Variants in PHKB observed in about 807,000 individuals in gnomAD.
PHKB encodes phosphorylase kinase regulatory subunit beta.
PHKB carries 122 observed loss-of-function variants against 152.1 expected under a neutral mutation model. That is an observed-to-expected ratio of 0.80 (90% CI 0.69 to 0.93). The LOEUF is 0.93. Among genes scored for constraint, PHKB ranks in the 40% least tolerant of loss-of-function variants. The pLI, the probability that PHKB is intolerant of heterozygous loss-of-function variation, is 0.00. For synonymous variants in PHKB, 436 were observed against 464.9 expected (o/e 0.94, Z 0.80); for missense variants, 1,304 against 1,328.4 (o/e 0.98, Z 0.29).
At chr16:47,571,698 G>A (rs903904555) in intron 7 of PHKB, among the ~76,000 whole-genome samples, 32 of 152,184 alleles carry the variant, frequency 2.1e-4, no homozygotes, top group Non-Finnish European at 4.0e-4. Context: ...AGGCCCAGCT[G>A]TATCTGCGTT....
Position 47,660,490 on chromosome 16 carries a change from T to C in PHKB, c.1972-16T>C, listed in dbSNP as rs1973421501. On this transcript the variant is annotated splice_polypyrimidine_tract_variant and intron_variant, in intron 20 of 30. Coordinates refer to ENST00000323584, the MANE Select transcript of PHKB (RefSeq NM_000293.3). The stretch of plus-strand genomic sequence containing the variant: ...ATGTATCTAAGAGTTTCTAATCTTT[T>C]TCGATCACGTTTCAGACACTAATAT... The C allele has an allele frequency of 1.2e-6, 2 of 1,607,836 alleles. No homozygotes were observed. Among genetic ancestry groups the C allele is most frequent in the Admixed American group, 3.3e-5 (2 of 59,988 alleles).
At position 47,571,870 on chromosome 16, in the gene PHKB, G is replaced by A. The variant is rs146494697; in HGVS notation, c.711-8425G>A. On this transcript the variant is annotated intron_variant, in intron 7 of 30. Coordinates refer to ENST00000323584, the MANE Select transcript of PHKB (RefSeq NM_000293.3). ...TTGTGGTACTCAAGGTTCATACTTT[G>A]GTTTCTTTTGTCCCAAGGGGTGTTC... Among the ~76,000 whole-genome samples the A allele has an allele frequency of 7.5e-3, 1,142 of 152,222 alleles. 19 individuals are homozygous for A. The highest frequency in any genetic ancestry group is 0.026 in the African/African-American group (1,082 of 41,542).
intron 25 of PHKB, chr16:47,665,983 T>G: frequency 6.2e-7 from 1 of 1,614,062 alleles, no homozygotes; most frequent in Non-Finnish European, 8.5e-7. Context: ...AGTAAAGTAG[T>G]GGACAGCCTG....
intron 6 of PHKB, among the ~76,000 whole-genome samples, chr16:47,520,650 T>A (rs1970670239): frequency 6.6e-6 from 1 of 152,236 alleles, no homozygotes; most frequent in Non-Finnish European, 1.5e-5. Context: ...TATAGTTGTT[T>A]CTATTTGGTC....
chr16:47,576,249 GT>G (rs1331789492), intron 7 of PHKB, among the ~76,000 whole-genome samples: 2 of 152,134 alleles, frequency 1.3e-5, no homozygotes, highest in African/African-American at 4.8e-5. Flanking sequence ...TTTTCTGAGA[GT>G]TTTGTCATAA....
chr16:47,673,484 G>C (rs1973671763), intron 26 of PHKB, among the ~76,000 whole-genome samples: 2 of 152,102 alleles, frequency 1.3e-5, no homozygotes, highest in Non-Finnish European at 2.9e-5. Context: ...GTTAAACAGG[G>C]CCTTGTTTTT....
chr16:47,544,984 C>T (rs1041889111), intron 6 of PHKB, among the ~76,000 whole-genome samples: 1 of 152,020 alleles, frequency 6.6e-6, no homozygotes, highest in African/African-American at 2.4e-5. Context: ...AGCCTATGTG[C>T]GTCTCTGCAT....
intron 13 of PHKB, 86 bp from the exon 14 acceptor site, chr16:47,610,740 T>C (rs1023279057): frequency 1.6e-5 from 12 of 773,874 alleles, no homozygotes; most frequent in Non-Finnish European, 2.6e-5. Context: ...ATTCTTCTCT[T>C]GTTGGAGTAT....
chr16:47,647,051 C>T (rs992287972), intron 16 of PHKB, among the ~76,000 whole-genome samples: 1 of 152,054 alleles, frequency 6.6e-6, no homozygotes, highest in Admixed American at 6.5e-5. Context: ...CACTGTGGCA[C>T]CCTTCCCTAT....
intron 16 of PHKB, among the ~76,000 whole-genome samples, chr16:47,642,772 T>C (rs1484171638): frequency 6.6e-6 from 1 of 152,128 alleles, no homozygotes; most frequent in Non-Finnish European, 1.5e-5. Flanking sequence ...AGAGTCCTTA[T>C]ACCTTCTCCA....
chr16:47,625,131 C>A (rs1367372560), intron 14 of PHKB, among the ~76,000 whole-genome samples: 1 of 152,146 alleles, frequency 6.6e-6, no homozygotes, highest in East Asian at 1.9e-4. Context: ...TCACTATAGT[C>A]CAGGTCACCA....
At chr16:47,572,357 T>C (rs1402360558) in intron 7 of PHKB, among the ~76,000 whole-genome samples, 1 of 152,254 alleles carries the variant, frequency 6.6e-6, no homozygotes, top group Non-Finnish European at 1.5e-5. Flanking sequence ...GTGCATGTTG[T>C]GGATTCTTCC....
At chr16:47,598,114 A>T (rs1173300161) in intron 13 of PHKB, 2 of 152,240 alleles carry the variant, frequency 1.3e-5, no homozygotes, top group African/African-American at 4.8e-5. Flanking sequence ...ACCTATAATT[A>T]TATATTTAAA....
chr16:47,471,175 G>T (rs115164396), intron 1 of PHKB, among the ~76,000 whole-genome samples: 1 of 152,184 alleles, frequency 6.6e-6, no homozygotes, highest in Non-Finnish European at 1.5e-5. Context: ...ATAGGAATCA[G>T]TGGAGAAGTT....
chr16:47,560,626 C>T (rs1971459593), intron 7 of PHKB, among the ~76,000 whole-genome samples: 1 of 152,114 alleles, frequency 6.6e-6, no homozygotes. Flanking sequence ...TGTAATCAAT[C>T]GATTTTCATG....
At chr16:47,618,141 G>A (rs1243406866) in intron 14 of PHKB, among the ~76,000 whole-genome samples, 2 of 152,208 alleles carry the variant, frequency 1.3e-5, no homozygotes, top group Admixed American at 6.5e-5. Flanking sequence ...GATACTCTAA[G>A]TGGTATCGTT....
intron 7 of PHKB, among the ~76,000 whole-genome samples, chr16:47,576,111 A>G (rs1971745407): frequency 6.6e-6 from 1 of 152,136 alleles, no homozygotes; most frequent in Admixed American, 6.5e-5. Flanking sequence ...CAACAGCAAA[A>G]AAAACCCAGA....
At chr16:47,495,111 C>A (rs557246828) in intron 1 of PHKB, among the ~76,000 whole-genome samples, 1 of 150,910 alleles carries the variant, frequency 6.6e-6, no homozygotes, top group Admixed American at 6.6e-5. Context: ...TCTATTTTTC[C>A]TCTTACTGAA....
intron 1 of PHKB, among the ~76,000 whole-genome samples, chr16:47,472,501 G>A (rs915949507): frequency 3.3e-5 from 5 of 152,024 alleles, no homozygotes; most frequent in Admixed American, 3.3e-4. Context: ...ACAAAAATTA[G>A]GCTGGGTGCG....
Sources: gnomAD v4.1 joint callset for allele counts (sites outside exome capture counted in the v4.1 genomes callset) on GRCh38, gnomAD v4.1.1 for gene constraint, MANE v1.5 for transcripts, NCBI Gene and HGNC (gene_info 2026-07-23, HGNC 2026-07-21) for gene names.